ZSCAN25: variants seen among roughly 807,000 people sequenced by gnomAD.
The protein encoded by ZSCAN25 is zinc finger and SCAN domain-containing protein 25.
In ZSCAN25, 27 loss-of-function variants were observed where a neutral mutation model predicts 38.7. The ratio of observed to expected loss-of-function variants is 0.70; its 90% CI spans 0.51 to 0.96. The LOEUF (loss-of-function observed/expected upper bound fraction) is 0.96. Ranked by LOEUF, ZSCAN25 falls within the 40% of genes least tolerant of loss-of-function variation. ZSCAN25 has a pLI of 0.00. For missense variants in ZSCAN25, 637 were observed against 705.9 expected, an observed-to-expected ratio of 0.90 and a Z score of 1.11; for synonymous variants, 273 against 277.7, an observed-to-expected ratio of 0.98 and a Z score of 0.17.
chr7:99,632,992 T>G (rs867652006), downstream of ZSCAN25, among the ~76,000 whole-genome samples: 62 of 145,232 alleles, frequency 4.3e-4, 3 homozygotes, highest in African/African-American at 9.4e-4. Context: ...TTCTGTTGTT[T>G]TTTTTTTTTT....
At chr7:99,653,016 G>A in the ZSCAN25 span, among the ~76,000 whole-genome samples, 1 of 152,174 alleles carries the variant, frequency 6.6e-6, no homozygotes, top group African/African-American at 2.4e-5. This position sits in a 1 kb window ranked among gnomAD's most constrained non-coding sequence, Gnocchi z 4.2. Flanking sequence ...TCACCCCAGG[G>A]ACTGAAATCC....
chr7:99,725,260 T>TA, the ZSCAN25 span, among the ~76,000 whole-genome samples: 1 of 152,150 alleles, frequency 6.6e-6, no homozygotes, highest in Non-Finnish European at 1.5e-5. Context: ...GCCTTATCCT[T>TA]AATATGCATT....
chr7:99,654,431 A>G, the ZSCAN25 span, among the ~76,000 whole-genome samples: 8 of 152,226 alleles, frequency 5.3e-5, no homozygotes, highest in African/African-American at 1.7e-4. Context: ...TTATGGCTGC[A>G]TAGCATTCCA....
the ZSCAN25 span, among the ~76,000 whole-genome samples, chr7:99,702,091 CT>C: frequency 1.1e-3 from 150 of 140,112 alleles, no homozygotes; most frequent in African/African-American, 2.5e-3. Flanking sequence ...AGATTTCAGT[CT>C]TTTTTTTTTT....
the ZSCAN25 span, among the ~76,000 whole-genome samples, chr7:99,735,611 C>A: frequency 6.6e-6 from 1 of 152,204 alleles, no homozygotes; most frequent in Non-Finnish European, 1.5e-5. Flanking sequence ...TCATACCCAG[C>A]CAGACAGAGC....
the ZSCAN25 span, chr7:99,717,524 A>G: frequency 1.2e-6 from 2 of 1,613,498 alleles, no homozygotes; most frequent in Non-Finnish European, 1.7e-6. Flanking sequence ...TTATTTTCAT[A>G]CCTCCTTGAG....
the ZSCAN25 span, among the ~76,000 whole-genome samples, chr7:99,664,905 CA>C: frequency 6.6e-6 from 1 of 152,040 alleles, no homozygotes; most frequent in Non-Finnish European, 1.5e-5. Context: ...CCAGAATAGG[CA>C]AATCTATAGA....
the ZSCAN25 span, among the ~76,000 whole-genome samples, chr7:99,675,272 C>T: frequency 1.3e-5 from 2 of 152,190 alleles, no homozygotes; most frequent in African/African-American, 4.8e-5. Context: ...ACAAACCTTC[C>T]TGTTGCTAAG....
At chr7:99,644,205 T>A in the ZSCAN25 span, among the ~76,000 whole-genome samples, 633 of 150,856 alleles carry the variant, frequency 4.2e-3, 5 homozygotes, top group African/African-American at 0.015. Flanking sequence ...TAGATTCTTC[T>A]GTGGATGGGG....
chr7:99,680,003 C>T, the ZSCAN25 span: 1 of 936,090 alleles, frequency 1.1e-6, no homozygotes, highest in Non-Finnish European at 1.8e-6. Context: ...CAGCAGTCTT[C>T]AGCCAAGCTG....
At chr7:99,682,487 T>A in the ZSCAN25 span, among the ~76,000 whole-genome samples, 10 of 152,236 alleles carry the variant, frequency 6.6e-5, no homozygotes, top group African/African-American at 2.4e-4. Flanking sequence ...TTGGTCTGTG[T>A]CTGTTTTTAT....
At position 99,631,458 on chromosome 7, in the gene ZSCAN25, C is replaced by G; in HGVS notation, c.*1438C>G. The stretch of plus-strand genomic sequence containing the variant: ...AAGGGTTTCATTTCTGTTTAAAGTT[C>G]TGGAAGCTGCATAACTAGCGTGGAC... On this transcript the variant is annotated 3_prime_UTR_variant, in exon 8 of 8. Coordinates refer to ENST00000394152, the MANE Select transcript of ZSCAN25 (RefSeq NM_145115.3). 1 of 985,452 alleles carries G rather than the reference C, an allele frequency of 1.0e-6. No individual in the cohort carries two copies. Among genetic ancestry groups the G allele is most frequent in the Non-Finnish European group, 1.2e-6 (1 of 829,940 alleles). The allele number at this position is 985,452 out of a possible 1,614,324, so 61.0% of individuals were successfully genotyped here.
the ZSCAN25 span, chr7:99,715,779 C>T: frequency 6.2e-7 from 1 of 1,613,804 alleles, no homozygotes; most frequent in Non-Finnish European, 8.5e-7. Flanking sequence ...ACGAATGGAT[C>T]TAATGGATTA....
At chr7:99,730,480 G>A in the ZSCAN25 span, 8 of 154,496 alleles carry the variant, frequency 5.2e-5, no homozygotes, top group African/African-American at 1.9e-4. Context: ...GTCATGGGGA[G>A]TAAGACCTGG....
chr7:99,712,495 G>A, the ZSCAN25 span, among the ~76,000 whole-genome samples: 1 of 152,196 alleles, frequency 6.6e-6, no homozygotes, highest in Non-Finnish European at 1.5e-5. Context: ...CTAGCCACAT[G>A]TGCAGTGCTC....
chr7:99,654,001 T>A, the ZSCAN25 span, among the ~76,000 whole-genome samples: 5 of 151,932 alleles, frequency 3.3e-5, no homozygotes, highest in Non-Finnish European at 7.4e-5. Flanking sequence ...CAGACCAGAG[T>A]GAGTCCAGTC....
chr7:99,731,076 C>A, the ZSCAN25 span: 3 of 1,613,666 alleles, frequency 1.9e-6, no homozygotes, highest in Non-Finnish European at 2.5e-6. Context: ...AAGGACAAAG[C>A]ATTTCCCAAA....
At chr7:99,699,630 G>A in the ZSCAN25 span, among the ~76,000 whole-genome samples, 19 of 152,098 alleles carry the variant, frequency 1.2e-4, no homozygotes, top group African/African-American at 1.9e-4. Context: ...CACACTTCTC[G>A]TCTTGTTCAG....
the ZSCAN25 span, chr7:99,695,952 G>T: frequency 1.2e-6 from 1 of 803,512 alleles, no homozygotes; most frequent in Non-Finnish European, 2.0e-6. Context: ...TAACATTAAG[G>T]CAATAAATGA....
Sources: allele counts gnomAD v4.1 joint callset (sites outside exome capture counted in the v4.1 genomes callset), GRCh38; gene constraint gnomAD v4.1.1; non-coding constraint Gnocchi (gnomAD v3.1); transcripts MANE v1.5; gene names NCBI Gene and HGNC (gene_info 2026-07-23, HGNC 2026-07-21).